Variants in LHPP observed in about 807,000 individuals in gnomAD.
LHPP encodes phospholysine phosphohistidine inorganic pyrophosphate phosphatase, also known as hLHPP.
In LHPP, 24 loss-of-function variants were observed where a neutral mutation model predicts 30.3. The ratio of observed to expected loss-of-function variants is 0.79; its 90% CI spans 0.57 to 1.11. LHPP has a LOEUF of 1.11. LHPP is among the 50% of genes most tolerant of loss of function. The pLI is 0.00. For synonymous variants in LHPP, 150 were observed against 157.1 expected, an observed-to-expected ratio of 0.95 and a Z score of 0.34; for missense variants, 356 against 367.2, an observed-to-expected ratio of 0.97 and a Z score of 0.25.
intron 6 of LHPP, among the ~76,000 whole-genome samples, chr10:124,605,946 T>C (rs10901784): frequency 0.92 from 140,478 of 151,974 alleles, 65,125 homozygotes; most frequent in East Asian, 1. Context: ...GCCAGCCTCC[T>C]GGTCCTGCAG....
In LHPP at chr10:124,496,454, C is replaced by T. The variant is rs1046005609; in HGVS notation, c.468-507C>T. Among the ~76,000 whole-genome samples the T allele has an allele frequency of 6.6e-6, 1 of 152,220 alleles. No individual in the cohort carries two copies. ...TAAAAGCATCTGGCGCCCATGAAACCTGGCACCTCGCTTGACCTCCGGCTA... is the reference window on the plus strand; with the variant it reads ...TAAAAGCATCTGGCGCCCATGAAACTTGGCACCTCGCTTGACCTCCGGCTA... On this transcript the variant is annotated intron_variant, in intron 3 of 6. Transcript: ENST00000368842. The surrounding 1 kb of genome is among the most constrained non-coding windows in gnomAD (Gnocchi z 4.3).
intron 5 of LHPP, among the ~76,000 whole-genome samples, chr10:124,504,898 G>C (rs995101220): frequency 6.6e-6 from 1 of 152,176 alleles, no homozygotes; most frequent in Non-Finnish European, 1.5e-5. Context: ...GGGGCAGTGC[G>C]TCTGGGAGGG....
In LHPP at chr10:124,592,510, A is replaced by T. The variant is rs1206471860; in HGVS notation, c.717-20754A>T. 2.0e-5 allele frequency among the ~76,000 whole-genome samples: 3 copies of T among 152,142 alleles called. No individual in the cohort carries two copies. Among genetic ancestry groups the T allele is most frequent in the African/African-American group, 7.2e-5 (3 of 41,442 alleles). On this transcript the variant is annotated intron_variant, in intron 6 of 6. Coordinates refer to ENST00000368842, the MANE Select transcript of LHPP (RefSeq NM_022126.4). The surrounding 1 kb of genome is among the most constrained non-coding windows in gnomAD (Gnocchi z 6.2). Reference sequence around the variant, plus strand: ...GAAAAGCCCTGACCCCAGAATCCTGAGCCTAAATTGCTGCCAAGTTCCCGA... The same window carrying T: ...GAAAAGCCCTGACCCCAGAATCCTGTGCCTAAATTGCTGCCAAGTTCCCGA...
chr10:124,517,363 C>A lies in LHPP; in HGVS notation c.716+92C>A. On this transcript the variant is annotated intron_variant, in intron 6 of 6. Transcript: ENST00000368842. The surrounding 1 kb of genome is among the most constrained non-coding windows in gnomAD (Gnocchi z 4.1). ...TGTTCTTCAAAATAAAGGGGATATT[C>A]TTTCCAAATCAAAGAGCAGTATGTG... The A allele has an allele frequency of 2.4e-6, 2 of 830,584 alleles. No homozygotes were observed. The highest frequency in any genetic ancestry group is 3.6e-6 in the Non-Finnish European group (2 of 553,990). 51.5% of individuals were successfully genotyped at this position (830,584 alleles called of 1,614,324 possible). A position where few individuals can be genotyped will look rare whatever the true frequency, so the allele number is the denominator to read the frequency against.
intron 6 of LHPP, among the ~76,000 whole-genome samples, chr10:124,522,628 TG>T (rs554373137): frequency 2.3e-4 from 35 of 152,166 alleles, no homozygotes; most frequent in Non-Finnish European, 4.7e-4. Context: ...GTCCTGCCCT[TG>T]GGGCCACATT....
chr10:124,566,745 G>C (rs1285026402), intron 6 of LHPP, among the ~76,000 whole-genome samples: 1 of 152,146 alleles, frequency 6.6e-6, no homozygotes, highest in Non-Finnish European at 1.5e-5. Context: ...GAGGTCGGGG[G>C]CACCTGAGAC....
chr10:124,507,663 T>G (rs190378093), intron 5 of LHPP, among the ~76,000 whole-genome samples: 52 of 11,942 alleles, frequency 4.4e-3, no homozygotes, highest in Middle Eastern at 0.083. Flanking sequence ...GGATAGGGAG[T>G]ATTTCAGGTG....
chr10:124,527,697 C>T (rs184686113), intron 6 of LHPP, among the ~76,000 whole-genome samples: 152 of 152,354 alleles, frequency 1.0e-3, no homozygotes, highest in African/African-American at 3.5e-3. Context: ...CCCAAGAGCA[C>T]TGCCAGAATC....
intron 6 of LHPP, among the ~76,000 whole-genome samples, chr10:124,598,634 C>T (rs557299057): frequency 2.0e-3 from 215 of 107,164 alleles, no homozygotes; most frequent in African/African-American, 6.5e-3. Flanking sequence ...CCCATCCGTC[C>T]GTCCATCCAT....
intron 3 of LHPP, among the ~76,000 whole-genome samples, chr10:124,488,838 A>G (rs1953421050): frequency 6.6e-6 from 1 of 152,190 alleles, no homozygotes; most frequent in African/African-American, 2.4e-5. Context: ...AGAGGGCGTC[A>G]TTGCAGAGGG....
intron 6 of LHPP, among the ~76,000 whole-genome samples, chr10:124,530,719 C>T (rs2133931004): frequency 6.6e-6 from 1 of 152,322 alleles, no homozygotes. Context: ...TTGCTTTAGC[C>T]AGGCTTCCAC....
intron 6 of LHPP, chr10:124,553,840 C>T: frequency 1.0e-6 from 1 of 970,872 alleles, no homozygotes; most frequent in Non-Finnish European, 1.2e-6. Context: ...CGGGCCAGGC[C>T]CCTCCTCTGT....
chr10:124,549,935 G>C (rs574342007), intron 6 of LHPP, among the ~76,000 whole-genome samples: 11 of 152,276 alleles, frequency 7.2e-5, no homozygotes, highest in Non-Finnish European at 1.6e-4. Flanking sequence ...TGTCTGTGAA[G>C]CACCTGGCAT....
chr10:124,584,890 AC>A (rs768950964), intron 6 of LHPP, among the ~76,000 whole-genome samples: 25 of 145,568 alleles, frequency 1.7e-4, no homozygotes, highest in Non-Finnish European at 3.2e-4. Context: ...GGAAAATTCC[AC>A]CCCTGTCCTC....
At chr10:124,536,365 G>A (rs879027387) in intron 6 of LHPP, among the ~76,000 whole-genome samples, 1 of 152,228 alleles carries the variant, frequency 6.6e-6, no homozygotes, top group Admixed American at 6.5e-5. Flanking sequence ...TAGTGTTCCC[G>A]CATGCAGTCC....
chr10:124,506,263 A>ACCCCCCCCCCCCCCCCCCCCC (rs539116106), intron 5 of LHPP, among the ~76,000 whole-genome samples: 13 of 86,328 alleles, frequency 1.5e-4, no homozygotes, highest in Non-Finnish European at 2.1e-4. Context: ...AAAACAACAA[A>ACCCCCCCCCCCCCCCCCCCCC]CCCCCCCCCC....
Position 124,596,974 on chromosome 10 carries a change from G to C in LHPP, c.717-16290G>C, listed in dbSNP as rs1948951742. Among the ~76,000 whole-genome samples the C allele has an allele frequency of 6.6e-6, 1 of 152,244 alleles. No individual in the cohort carries two copies. The highest frequency in any genetic ancestry group is 1.9e-4 in the East Asian group (1 of 5,194). On this transcript the variant is annotated intron_variant, in intron 6 of 6. Transcript: ENST00000368842. This position sits in a 1 kb window ranked among gnomAD's most constrained non-coding sequence, Gnocchi z 4.6. Reference sequence around the variant, plus strand: ...GTGGGTGGGCACCATCTCATCGGCTGTCCTTGTGGCTGGAACAAAGCAGAT... The same window carrying C: ...GTGGGTGGGCACCATCTCATCGGCTCTCCTTGTGGCTGGAACAAAGCAGAT...
At chr10:124,485,158 C>T (rs1005834717) in intron 2 of LHPP, among the ~76,000 whole-genome samples, 5 of 151,948 alleles carry the variant, frequency 3.3e-5, no homozygotes, top group African/African-American at 9.7e-5. Flanking sequence ...AGCCCTGGTG[C>T]CAGTTAAGGG....
chr10:124,498,587 A>T, intron 5 of LHPP: 1 of 946,772 alleles, frequency 1.1e-6, no homozygotes, highest in Non-Finnish European at 1.5e-6. Flanking sequence ...ATCGGTTATG[A>T]TTTTATTGTC....
Sources: allele counts gnomAD v4.1 joint callset (sites outside exome capture counted in the v4.1 genomes callset), GRCh38; gene constraint gnomAD v4.1.1; non-coding constraint Gnocchi (gnomAD v3.1); transcripts MANE v1.5; gene names NCBI Gene and HGNC (gene_info 2026-07-23, HGNC 2026-07-21).